RAPH1: variants seen among roughly 807,000 people sequenced by gnomAD.
RAPH1 encodes ras-associated and pleckstrin homology domains-containing protein 1.
A neutral mutation model predicts 88.1 loss-of-function variants in RAPH1; 18 were observed. The ratio of observed to expected loss-of-function variants is 0.20; its 90% CI spans 0.14 to 0.30. RAPH1 has a LOEUF of 0.30. Ranked by LOEUF, RAPH1 falls within the 10% of genes least tolerant of loss-of-function variation. The pLI, the probability that RAPH1 is intolerant of heterozygous loss-of-function variation, is 1.00. For missense variants in RAPH1, 1,448 were observed against 1,543.2 expected, an observed-to-expected ratio of 0.94 and a Z score of 1.03; for synonymous variants, 587 against 559.0, an observed-to-expected ratio of 1.05 and a Z score of -0.71.
chr2:203,534,948 A>C (rs1013925270), intron 1 of RAPH1, among the ~76,000 whole-genome samples, 163 bp downstream of exon 1: 1 of 152,094 alleles, frequency 6.6e-6, no homozygotes, highest in Non-Finnish European at 1.5e-5. Flanking sequence ...CCCGATCCCC[A>C]ACCTGGCAAC....
chr2:203,446,167 G>A (rs1243798143), intron 12 of RAPH1: 1 of 152,136 alleles, frequency 6.6e-6, no homozygotes, highest in African/African-American at 2.4e-5. Context: ...CTCCTATAAC[G>A]GCTTCTCAGA....
chr2:203,445,870 A>G (rs2098509072), intron 12 of RAPH1: 1 of 152,208 alleles, frequency 6.6e-6, no homozygotes, highest in Non-Finnish European at 1.5e-5. Flanking sequence ...ATATTTGAAT[A>G]TTAGAACAGT....
chr2:203,481,711 C>T (rs1008575366), intron 4 of RAPH1, among the ~76,000 whole-genome samples: 3 of 150,476 alleles, frequency 2.0e-5, no homozygotes, highest in African/African-American at 7.3e-5. Context: ...CCTGCCTCAG[C>T]CTCCCGAGTA....
chr2:203,470,133 A>C, intron 4 of RAPH1: 2 of 684,356 alleles, frequency 2.9e-6, no homozygotes, highest in Non-Finnish European at 4.9e-6. Flanking sequence ...TTAATGACAA[A>C]GATGCTAGAG....
intron 1 of RAPH1, among the ~76,000 whole-genome samples, chr2:203,534,023 A>G (rs1690502866): frequency 6.6e-6 from 1 of 152,116 alleles, no homozygotes; most frequent in Non-Finnish European, 1.5e-5. Flanking sequence ...ACCTGGTGTC[A>G]CCCAGCCTAA....
intron 4 of RAPH1, among the ~76,000 whole-genome samples, chr2:203,466,683 CAT>C (rs2098528714): frequency 6.6e-6 from 1 of 152,178 alleles, no homozygotes; most frequent in African/African-American, 2.4e-5. Flanking sequence ...AAATACCTCA[CAT>C]ATGTAAAAAC....
At position 203,464,766 on chromosome 2, in the gene RAPH1, T is replaced by TA. The variant is rs201339732; in HGVS notation, c.733-2842dup. 2.6e-3 allele frequency among the ~76,000 whole-genome samples: 381 copies of TA among 148,120 alleles called. 1 individual carries two copies. The highest frequency in any genetic ancestry group is 8.2e-3 in the African/African-American group (321 of 39,232). ...AGACGTATCTGATAAAGAACTGTTATAAAAAAAAAGAGAGAGAGAGCTCTT... is the reference window on the plus strand; with the variant it reads ...AGACGTATCTGATAAAGAACTGTTATAAAAAAAAAAGAGAGAGAGAGCTCTT... On this transcript the variant is annotated intron_variant, in intron 4 of 13. Transcript: ENST00000319170.
At position 203,488,614 on chromosome 2, in the gene RAPH1, A is replaced by C. The variant is rs933095018; in HGVS notation, c.732+970T>G. Among the ~76,000 whole-genome samples, 19 of 149,464 alleles carry C rather than the reference A, an allele frequency of 1.3e-4. 1 individual carries two copies. Among genetic ancestry groups the C allele is most frequent in the Admixed American group, 5.3e-4 (8 of 15,008 alleles). Reference sequence around the variant, plus strand: ...AAAAAAAAAAAAAAAAAAAAAAAAAAAAAACCTGTTTATGAACAACTTTTG... The same window carrying C: ...AAAAAAAAAAAAAAAAAAAAAAAAACAAAACCTGTTTATGAACAACTTTTG... On this transcript the variant is annotated intron_variant, in intron 4 of 13. Transcript: ENST00000319170.
At position 203,439,339 on chromosome 2, in the gene RAPH1, T is replaced by A. The variant is rs554932025; in HGVS notation, c.*98A>T. ...ATAGCTGGACACTACCTGAATAACATCATACCAGGAGGCTCTGAACACCTG... is the reference window on the plus strand; with the variant it reads ...ATAGCTGGACACTACCTGAATAACAACATACCAGGAGGCTCTGAACACCTG... On this transcript the variant is annotated 3_prime_UTR_variant, in exon 14 of 14. Transcript: ENST00000319170. 2.6e-5 allele frequency: 29 copies of A among 1,124,176 alleles called. 1 individual carries two copies. In the South Asian group the frequency reaches 4.0e-4, roughly 15 times the overall value. 69.6% of individuals were successfully genotyped at this position (1,124,176 alleles called of 1,614,324 possible). A position where few individuals can be genotyped will look rare whatever the true frequency, so the allele number is the denominator to read the frequency against.
At chr2:203,463,336 T>C (rs2098525729) in intron 4 of RAPH1, among the ~76,000 whole-genome samples, 1 of 152,208 alleles carries the variant, frequency 6.6e-6, no homozygotes, top group Non-Finnish European at 1.5e-5. Context: ...CCATATGTTA[T>C]TCATTAAAAA....
chr2:203,498,427 C>A (rs1224503766), intron 1 of RAPH1, among the ~76,000 whole-genome samples: 1 of 152,076 alleles, frequency 6.6e-6, no homozygotes, highest in Non-Finnish European at 1.5e-5. Flanking sequence ...AGGGAGAGAA[C>A]ATTAGTCATA....
chr2:203,534,827 G>T (rs1690544860), intron 1 of RAPH1, among the ~76,000 whole-genome samples: 1 of 151,486 alleles, frequency 6.6e-6, no homozygotes, highest in African/African-American at 2.4e-5. Context: ...ACCCTCCCAG[G>T]CGGCCCCTTA....
Position 203,439,234 on chromosome 2 carries a change from TACAC to T in RAPH1, c.*199_*202del, listed in dbSNP as rs1361761747. On this transcript the variant is annotated 3_prime_UTR_variant, in exon 14 of 14. Coordinates refer to ENST00000319170, the MANE Select transcript of RAPH1 (RefSeq NM_213589.3). ...TCTCAGCTCTCTCTCTATATACACATACACATACATATATGTATACATATATACA... is the reference window on the plus strand; with the variant it reads ...TCTCAGCTCTCTCTCTATATACACATATACATATATGTATACATATATACA... 1.8e-6 allele frequency: 1 copy of T among 553,818 alleles called. No individual in the cohort carries two copies. Among genetic ancestry groups the T allele is most frequent in the Non-Finnish European group, 3.2e-6 (1 of 311,262 alleles). 34.3% of individuals were successfully genotyped at this position (553,818 alleles called of 1,614,324 possible).
At chr2:203,446,977 A>G (rs978109948) in intron 12 of RAPH1, 1 of 151,464 alleles carries the variant, frequency 6.6e-6, no homozygotes, top group Admixed American at 6.6e-5. Context: ...GTTTTGAACT[A>G]CTGGGCTCAC....
At position 203,435,660 on chromosome 2, in the gene RAPH1, C is replaced by T. The variant is rs1421448900; in HGVS notation, c.*3777G>A. ...ATCACATTGATAACCATACAGGATC[C>T]TATGGGTTTAACTGGTCTAAACTTG... On this transcript the variant is annotated 3_prime_UTR_variant, in exon 14 of 14. Coordinates refer to ENST00000319170, the MANE Select transcript of RAPH1 (RefSeq NM_213589.3). 6.6e-6 allele frequency: 1 copy of T among 152,092 alleles called. No individual in the cohort carries two copies. The highest frequency in any genetic ancestry group is 2.4e-5 in the African/African-American group (1 of 41,398). 9.4% of individuals were successfully genotyped at this position (152,092 alleles called of 1,614,324 possible). A position where few individuals can be genotyped will look rare whatever the true frequency, so the allele number is the denominator to read the frequency against.
intron 2 of RAPH1, among the ~76,000 whole-genome samples, chr2:203,493,265 CA>C (rs1688354004): frequency 6.6e-6 from 1 of 152,112 alleles, no homozygotes; most frequent in African/African-American, 2.4e-5. Flanking sequence ...GGGGAAAGTA[CA>C]AGGTATCAAA....
At position 203,438,015 on chromosome 2, in the gene RAPH1, G is replaced by GA. The variant is rs1386673131; in HGVS notation, c.*1421dup. The GA allele has an allele frequency of 5.3e-6, 2 of 374,112 alleles. No individual in the cohort carries two copies. Among genetic ancestry groups the GA allele is most frequent in the Non-Finnish European group, 1.1e-5 (2 of 188,446 alleles). 23.2% of individuals were successfully genotyped at this position (374,112 alleles called of 1,614,324 possible). On this transcript the variant is annotated 3_prime_UTR_variant, in exon 14 of 14. Transcript: ENST00000319170. Reference sequence around the variant, plus strand: ...TCTCATGTACCAAGGAAAATTCACAGAAAAAAGCATATAGAAGTATAGTGT... The same window carrying GA: ...TCTCATGTACCAAGGAAAATTCACAGAAAAAAAGCATATAGAAGTATAGTGT...
In RAPH1 at chr2:203,441,105, C is replaced by A; in HGVS notation, c.2085G>T (p.Gln695His). 1.2e-6 allele frequency: 2 copies of A among 1,609,248 alleles called. No homozygotes were observed. Among genetic ancestry groups the A allele is most frequent in the Non-Finnish European group, 1.7e-6 (2 of 1,177,624 alleles). ...GTACCAGGATCTGAGGCTTCACTGA[C>A]TGTGACTGCATCACTGGGGGTGTTG... is the stretch of plus-strand genomic sequence containing the variant. Reference protein sequence around the residue: ...KPPTPPVMQSQSVKPQILVPP... With the variant: ...KPPTPPVMQSHSVKPQILVPP... The change falls in exon 14 of 14, where the codon CAG becomes CAT. Residue 695 changes from glutamine to histidine, a missense_variant. Gln to His is a conservative substitution (Grantham distance 24, BLOSUM62 0). Around this residue, in one of 2 missense-constraint regions of RAPH1, gnomAD observed 935 missense variants for 890.1 expected, o/e 1.05. Coordinates refer to ENST00000319170, the MANE Select transcript of RAPH1 (RefSeq NM_213589.3).
rs201546239 is a variant in RAPH1, at chr2:203,440,712, G to C, written c.2478C>G (p.Pro826=). The C allele has an allele frequency of 1.9e-6, 3 of 1,604,236 alleles. No homozygotes were observed. The South Asian group carries it at 3.4e-5, about 18-fold the overall frequency. The part of the protein sequence containing the change: ...QPAFPASYIP[P]SPPTPPVPVP... ...CTGGAACAGGAGGGGTAGGGGGAGAGGGTGGAATGTAAGAAGCAGGGAAAG... is the reference window on the plus strand; with the variant it reads ...CTGGAACAGGAGGGGTAGGGGGAGACGGTGGAATGTAAGAAGCAGGGAAAG... The change falls in exon 14 of 14, where the codon CCC becomes CCG. Residue 826 remains proline (P), a synonymous_variant. Transcript: ENST00000319170.
Sources: gnomAD v4.1 joint callset for allele counts (sites outside exome capture counted in the v4.1 genomes callset) on GRCh38, gnomAD v4.1.1 for gene constraint, gnomAD v4.1.1 regional missense constraint, MANE v1.5 for transcripts, NCBI Gene and HGNC (gene_info 2026-07-23, HGNC 2026-07-21) for gene names.